GRAMD2A: variants seen among roughly 807,000 people sequenced by gnomAD.
GRAMD2A encodes the protein GRAM domain containing 2A.
Under a neutral mutation model 51.1 loss-of-function variants are expected in GRAMD2A, and 37 were observed. The ratio of observed to expected loss-of-function variants is 0.72; its 90% CI spans 0.56 to 0.95. The LOEUF is 0.95. GRAMD2A is among the 40% of genes least tolerant of loss of function. GRAMD2A has a pLI of 0.00. For missense variants in GRAMD2A, 414 were observed against 426.9 expected (o/e 0.97, Z 0.27); for synonymous variants, 136 against 157.1 (o/e 0.87, Z 1.01).
chr15:72,188,340 G>GAA (rs1200073458), intron 1 of GRAMD2A, among the ~76,000 whole-genome samples: 3 of 71,884 alleles, frequency 4.2e-5, no homozygotes, highest in Admixed American at 1.5e-4. Flanking sequence ...TCGTCTCAAA[G>GAA]AAAAAAAAAA....
intron 1 of GRAMD2A, among the ~76,000 whole-genome samples, chr15:72,191,658 T>G (rs2081769005): frequency 1.3e-5 from 2 of 152,222 alleles, no homozygotes; most frequent in South Asian, 4.1e-4. Flanking sequence ...ATAACTGATA[T>G]TATATACTTC....
intron 1 of GRAMD2A, among the ~76,000 whole-genome samples, chr15:72,192,367 T>C (rs2081773990): frequency 6.6e-6 from 1 of 152,236 alleles, no homozygotes. Context: ...GTACTGTCAC[T>C]GGGTTATTTT....
intron 3 of GRAMD2A, 35 bp downstream of exon 3, chr15:72,168,904 T>C: frequency 6.2e-7 from 1 of 1,601,604 alleles, no homozygotes; most frequent in Non-Finnish European, 8.6e-7. Flanking sequence ...GACCCCTTCC[T>C]GGGTGAATAG....
At chr15:72,172,932 T>C (rs559773584) in intron 1 of GRAMD2A, among the ~76,000 whole-genome samples, 9 of 152,244 alleles carry the variant, frequency 5.9e-5, no homozygotes, top group Admixed American at 3.9e-4. Flanking sequence ...GGAGTAGATA[T>C]GCAAGTCAGA....
chr15:72,167,754 G>C lies in GRAMD2A; in HGVS notation c.354C>G (p.Leu118=). 6.2e-7 allele frequency: 1 copy of C among 1,613,444 alleles called. No homozygotes were observed. The change falls in exon 5 of 12, where the codon CTC becomes CTG. Residue 118 remains leucine, a synonymous_variant. Transcript: ENST00000309731. ...SPNWLCFHAS[L]FGKDIKVVIP... Reference sequence around the variant, plus strand: ...TTACTACCTTGATATCCTTGCCAAAGAGGCTGGCATGGAAGCAGAGCCAGT... The same window carrying C: ...TTACTACCTTGATATCCTTGCCAAACAGGCTGGCATGGAAGCAGAGCCAGT...
At chr15:72,191,378 T>G (rs1186892075) in intron 1 of GRAMD2A, among the ~76,000 whole-genome samples, 1 of 152,162 alleles carries the variant, frequency 6.6e-6, no homozygotes, top group Non-Finnish European at 1.5e-5. Flanking sequence ...TTTTGTATTT[T>G]TTTTAGTAGA....
At chr15:72,195,137 GA>G (rs1198887098) in intron 1 of GRAMD2A, among the ~76,000 whole-genome samples, 2 of 152,224 alleles carry the variant, frequency 1.3e-5, no homozygotes, top group Non-Finnish European at 2.9e-5. Flanking sequence ...CACATTTGCT[GA>G]AAATACTGTA....
At chr15:72,192,597 G>A (rs1243978814) in intron 1 of GRAMD2A, among the ~76,000 whole-genome samples, 2 of 152,172 alleles carry the variant, frequency 1.3e-5, no homozygotes, top group Non-Finnish European at 2.9e-5. Context: ...TGTGCGGTGG[G>A]TAAGGCAATG....
chr15:72,163,281 T>A lies in GRAMD2A; in HGVS notation c.941A>T (p.Lys314Met), dbSNP rs949670825. Reference sequence around the variant, plus strand: ...AGTCACTTACAGCACAAAGAAGACCTTGAGGAGCCGGTAATCCCAGAGCCT... The same window carrying A: ...AGTCACTTACAGCACAAAGAAGACCATGAGGAGCCGGTAATCCCAGAGCCT... ...ELRLWDYRLL[K>M]VFFVLICFLV... is the part of the protein sequence containing the mutation. The change falls in exon 10 of 12, where the codon AAG (lysine) becomes ATG (methionine). Residue 314 changes from lysine (K) to methionine (M), a missense_variant. Lys to Met is a moderately conservative substitution (Grantham distance 95). Transcript: ENST00000309731. 1 of 1,613,498 alleles carries A rather than the reference T, an allele frequency of 6.2e-7. No individual in the cohort carries two copies. The highest frequency in any genetic ancestry group is 8.5e-7 in the Non-Finnish European group (1 of 1,179,526).
Position 72,160,900 on chromosome 15 carries a change from C to G in GRAMD2A, c.*1109G>C, listed in dbSNP as rs1567077936. On this transcript the variant is annotated 3_prime_UTR_variant, in exon 12 of 12. Transcript: ENST00000309731. Reference sequence around the variant, plus strand: ...TGGTTCCTGCACTGTGCTAGGCCCACAGTGGACACTTCCACCTTAATGGAG... The same window carrying G: ...TGGTTCCTGCACTGTGCTAGGCCCAGAGTGGACACTTCCACCTTAATGGAG... 6.6e-6 allele frequency: 1 copy of G among 152,354 alleles called. No homozygotes were observed. 9.4% of individuals were successfully genotyped at this position (152,354 alleles called of 1,614,324 possible).
At position 72,166,804 on chromosome 15, in the gene GRAMD2A, C is replaced by CTGT; in HGVS notation, c.472-102_472-101insACA. 1 of 1,106,912 alleles carries CTGT rather than the reference C, an allele frequency of 9.0e-7. No individual in the cohort carries two copies. Among genetic ancestry groups the CTGT allele is most frequent in the Non-Finnish European group, 1.4e-6 (1 of 731,584 alleles). The allele number at this position is 1,106,912 out of a possible 1,614,324, so 68.6% of individuals were successfully genotyped here. On this transcript the variant is annotated intron_variant, in intron 6 of 11. Coordinates refer to ENST00000309731, the MANE Select transcript of GRAMD2A (RefSeq NM_001012642.3). This position sits in a 1 kb window ranked among gnomAD's most constrained non-coding sequence, Gnocchi z 4.1. ...ATTGGGCACAGGCCCACAGGGGTAT[C>CTGT]AGGCCATGAGAGCCAACAGAAGCTC...
chr15:72,197,776 G>A lies in GRAMD2A; in HGVS notation c.-5C>T, dbSNP rs1217707050. 7 of 1,295,206 alleles carry A rather than the reference G, an allele frequency of 5.4e-6. No individual in the cohort carries two copies. The highest frequency in any genetic ancestry group is 7.0e-5 in the East Asian group (2 of 28,698). 80.2% of individuals were successfully genotyped at this position (1,295,206 alleles called of 1,614,324 possible). The stretch of plus-strand genomic sequence containing the variant: ...GCTCCGGCTTAAAGCGGTCATCCCG[G>A]CGCCTGCACCCAGCGCCCCGACCGC... On this transcript the variant is annotated 5_prime_UTR_variant, in exon 1 of 12. Coordinates refer to ENST00000309731, the MANE Select transcript of GRAMD2A (RefSeq NM_001012642.3).
intron 1 of GRAMD2A, among the ~76,000 whole-genome samples, chr15:72,184,076 T>C (rs1216340340): frequency 6.6e-6 from 1 of 152,218 alleles, no homozygotes; most frequent in Non-Finnish European, 1.5e-5. Context: ...TGGGAACGGA[T>C]AGATAGGATT....
At chr15:72,167,916 T>C (rs2081566319) in intron 4 of GRAMD2A, 77 bp from the exon 5 acceptor site, 7 of 983,336 alleles carry the variant, frequency 7.1e-6, no homozygotes, top group Middle Eastern at 2.1e-4. Context: ...CCTCACGTTC[T>C]GGAGTCCACA....
intron 4 of GRAMD2A, 132 bp from the exon 5 acceptor site, chr15:72,167,971 C>T (rs1030276864): frequency 4.2e-5 from 29 of 684,108 alleles, no homozygotes; most frequent in East Asian, 2.2e-4. Context: ...CCTTCCCCAC[C>T]GCAGGCCCCA....
intron 1 of GRAMD2A, among the ~76,000 whole-genome samples, chr15:72,193,725 G>T (rs192369835): frequency 6.7e-6 from 1 of 149,758 alleles, no homozygotes; most frequent in Non-Finnish European, 1.5e-5. Flanking sequence ...ATGGGGTTTC[G>T]CCCTGTTAGC....
Position 72,166,539 on chromosome 15 carries a change from G to A in GRAMD2A, c.543+93C>T, listed in dbSNP as rs1303460752. Reference sequence around the variant, plus strand: ...CTCTCCCTGCCCCATTCCCTGTGCTGGAGAGATGGGCGACCTCCCCCAACA... The same window carrying A: ...CTCTCCCTGCCCCATTCCCTGTGCTAGAGAGATGGGCGACCTCCCCCAACA... On this transcript the variant is annotated intron_variant, in intron 7 of 11. Transcript: ENST00000309731. This position sits in a 1 kb window ranked among gnomAD's most constrained non-coding sequence, Gnocchi z 4.1. The A allele has an allele frequency of 3.4e-6, 3 of 890,500 alleles. No individual in the cohort carries two copies. The highest frequency in any genetic ancestry group is 5.7e-6 in the Non-Finnish European group (3 of 529,272). The allele number at this position is 890,500 out of a possible 1,614,324, so 55.2% of individuals were successfully genotyped here.
In GRAMD2A at chr15:72,169,896, C is replaced by T. The variant is rs533656168; in HGVS notation, c.85G>A (p.Val29Met). Residue 29 changes from valine (V) to methionine (M), a missense_variant, in exon 2 of 12, where the codon GTG becomes ATG. Transcript: ENST00000309731. The part of the protein sequence containing the change: ...HRKTASLNSP[V>M]SCKEKPDRVE... ...CTGTCTGGTTTCTCTTTGCAGGACACAGGACTGTTCAGAGAAGCTGTCTTT... is the reference window on the plus strand; with the variant it reads ...CTGTCTGGTTTCTCTTTGCAGGACATAGGACTGTTCAGAGAAGCTGTCTTT... The T allele has an allele frequency of 1.8e-5, 29 of 1,614,210 alleles. No individual in the cohort carries two copies. In the East Asian group the frequency reaches 5.6e-4, roughly 31 times the overall value.
chr15:72,197,706 C>T (rs764622843), intron 1 of GRAMD2A, 25 bp downstream of exon 1: 1 of 1,306,904 alleles, frequency 7.7e-7, no homozygotes, highest in South Asian at 2.0e-5. Context: ...CCCCCGAGAC[C>T]GGCCCCCGGG....
Sources: allele counts gnomAD v4.1 joint callset (sites outside exome capture counted in the v4.1 genomes callset), GRCh38; gene constraint gnomAD v4.1.1; non-coding constraint Gnocchi (gnomAD v3.1); transcripts MANE v1.5; gene names NCBI Gene and HGNC (gene_info 2026-07-23, HGNC 2026-07-21).